The following HIPK2 variants were observed in gnomAD, a reference collection of about 807,000 sequenced individuals.
HIPK2 encodes homeodomain-interacting protein kinase 2.
In HIPK2, 27 loss-of-function variants were observed where a neutral mutation model predicts 113.7. That is an observed-to-expected ratio of 0.24 (90% CI 0.17 to 0.33). HIPK2 has a LOEUF of 0.33. HIPK2 is among the 10% of genes least tolerant of loss of function. The pLI, the probability that HIPK2 is intolerant of heterozygous loss-of-function variation, is 1.00. For missense variants in HIPK2, 1,257 were observed against 1,588.0 expected (o/e 0.79, Z 3.54); for synonymous variants, 631 against 642.2 (o/e 0.98, Z 0.26).
At chr7:139,709,460 T>C (rs1038607281) in intron 2 of HIPK2, among the ~76,000 whole-genome samples, 2 of 152,242 alleles carry the variant, frequency 1.3e-5, no homozygotes, top group African/African-American at 2.4e-5. Flanking sequence ...TTTGAAATGA[T>C]TGATATTTCC....
intron 1 of HIPK2, among the ~76,000 whole-genome samples, chr7:139,769,632 A>G (rs185927815): frequency 1.2e-4 from 18 of 152,334 alleles, no homozygotes; most frequent in African/African-American, 4.1e-4. Context: ...AGCTTTGCCT[A>G]TTGCTGTTGT....
intron 2 of HIPK2, among the ~76,000 whole-genome samples, chr7:139,644,650 G>A (rs534488636): frequency 4.1e-4 from 62 of 152,330 alleles, no homozygotes; most frequent in African/African-American, 1.4e-3. Flanking sequence ...GTTGAAACTG[G>A]GCATTTAGAG....
intron 11 of HIPK2, among the ~76,000 whole-genome samples, chr7:139,599,873 C>G (rs1464947262): frequency 2.0e-5 from 3 of 152,150 alleles, no homozygotes; most frequent in African/African-American, 7.2e-5. Flanking sequence ...ACTGTGCACT[C>G]TGCTGTACAA....
chr7:139,582,357 TC>T lies in HIPK2; in HGVS notation c.2965+1459del, dbSNP rs1798694111. 3.3e-5 allele frequency among the ~76,000 whole-genome samples: 5 copies of T among 152,214 alleles called. No homozygotes were observed. In the South Asian group the frequency reaches 1.0e-3, roughly 32 times the overall value. On this transcript the variant is annotated intron_variant, in intron 13 of 14. Coordinates refer to ENST00000406875, the MANE Select transcript of HIPK2 (RefSeq NM_022740.5). ...CTCTATTTTTCCTGAAGGTAAGGTC[TC>T]CTTCTTCCGAGAGAGCACAGCGCGA...
chr7:139,573,410 G>A lies in HIPK2; in HGVS notation c.3127-13C>T. ...TGTGCTGCTGAGCCTGGGGAGGAGA[G>A]GCACCAAGAGAGACGTCAGGGGCCG... On this transcript the variant is annotated splice_polypyrimidine_tract_variant and intron_variant, in intron 14 of 14. Coordinates refer to ENST00000406875, the MANE Select transcript of HIPK2 (RefSeq NM_022740.5). The A allele has an allele frequency of 6.2e-7, 1 of 1,600,402 alleles. No homozygotes were observed. Among genetic ancestry groups the A allele is most frequent in the Non-Finnish European group, 8.5e-7 (1 of 1,179,444 alleles).
At chr7:139,618,990 C>G (rs936752607) in intron 7 of HIPK2, among the ~76,000 whole-genome samples, 1 of 152,162 alleles carries the variant, frequency 6.6e-6, no homozygotes, top group Non-Finnish European at 1.5e-5. Flanking sequence ...TAGGGCTGGG[C>G]AAGGTTAGTT....
intron 7 of HIPK2, among the ~76,000 whole-genome samples, chr7:139,619,649 G>A (rs962725840): frequency 6.6e-6 from 1 of 152,196 alleles, no homozygotes; most frequent in Non-Finnish European, 1.5e-5. Flanking sequence ...AAGGAGATCA[G>A]GTAGATCCAG....
chr7:139,603,110 A>T (rs545305159), intron 10 of HIPK2, among the ~76,000 whole-genome samples: 1 of 152,150 alleles, frequency 6.6e-6, no homozygotes, highest in South Asian at 2.1e-4. Context: ...TAGGGGTCTG[A>T]CTGGGGGCTT....
chr7:139,655,458 C>G (rs190019324), intron 2 of HIPK2, among the ~76,000 whole-genome samples: 2 of 152,298 alleles, frequency 1.3e-5, no homozygotes, highest in East Asian at 3.9e-4. Context: ...AGACAGAAGG[C>G]GTGTGGGAAC....
At chr7:139,703,836 C>T (rs1794789908) in intron 2 of HIPK2, among the ~76,000 whole-genome samples, 2 of 136,870 alleles carry the variant, frequency 1.5e-5, no homozygotes, top group Admixed American at 7.5e-5. Context: ...CATACACCTC[C>T]CCCACACCCA....
intron 1 of HIPK2, among the ~76,000 whole-genome samples, chr7:139,741,219 T>C (rs1452154786): frequency 1.3e-5 from 2 of 152,212 alleles, no homozygotes; most frequent in Non-Finnish European, 2.9e-5. Context: ...GGAGGATTTC[T>C]GCAGAGAAGA....
At chr7:139,722,554 A>G (rs1417675674) in intron 1 of HIPK2, among the ~76,000 whole-genome samples, 1 of 152,200 alleles carries the variant, frequency 6.6e-6, no homozygotes, top group East Asian at 1.9e-4. Flanking sequence ...AAAATGCTAG[A>G]CTTGACTTCA....
intron 2 of HIPK2, among the ~76,000 whole-genome samples, chr7:139,662,460 T>A (rs528110097): frequency 5.2e-4 from 79 of 152,252 alleles, no homozygotes; most frequent in African/African-American, 1.7e-3. Context: ...TCGTTGCTTA[T>A]AAACCACTTG....
Position 139,566,459 on chromosome 7 carries a change from C to T in HIPK2, c.*6468G>A, listed in dbSNP as rs1431724124. The T allele has an allele frequency of 1.3e-5, 2 of 152,130 alleles. No individual in the cohort carries two copies. The highest frequency in any genetic ancestry group is 4.8e-5 in the African/African-American group (2 of 41,410). 9.4% of individuals were successfully genotyped at this position (152,130 alleles called of 1,614,324 possible). Reference sequence around the variant, plus strand: ...TGGCATGCAGGAAGCGGGAGTATCACTAAATGGTTCATAGAAATATGAGGC... The same window carrying T: ...TGGCATGCAGGAAGCGGGAGTATCATTAAATGGTTCATAGAAATATGAGGC... On this transcript the variant is annotated 3_prime_UTR_variant, in exon 15 of 15. Coordinates refer to ENST00000406875, the MANE Select transcript of HIPK2 (RefSeq NM_022740.5). The surrounding 1 kb of genome is among the most constrained non-coding windows in gnomAD (Gnocchi z 4.1).
chr7:139,668,803 C>T (rs1378828802), intron 2 of HIPK2, among the ~76,000 whole-genome samples: 1 of 152,146 alleles, frequency 6.6e-6, no homozygotes, highest in African/African-American at 2.4e-5. Context: ...ATTAGCTGTT[C>T]TATTTAGTTG....
chr7:139,607,438 C>T (rs1039487209), intron 9 of HIPK2, among the ~76,000 whole-genome samples: 3 of 152,102 alleles, frequency 2.0e-5, no homozygotes, highest in African/African-American at 7.2e-5. Context: ...AGGAGAAAGT[C>T]GCTTTCAGAG....
chr7:139,652,201 T>C (rs998835108), intron 2 of HIPK2, among the ~76,000 whole-genome samples: 1 of 152,212 alleles, frequency 6.6e-6, no homozygotes, highest in Non-Finnish European at 1.5e-5. Context: ...AGGAATGTGA[T>C]GTCAACAGCC....
chr7:139,603,351 G>T (rs1799504700), intron 10 of HIPK2, among the ~76,000 whole-genome samples: 1 of 152,166 alleles, frequency 6.6e-6, no homozygotes, highest in South Asian at 2.1e-4. Context: ...AGGGGCCATT[G>T]TGGTGGTGTT....
chr7:139,681,173 T>A lies in HIPK2; in HGVS notation c.1103+34759A>T, dbSNP rs572857393. On this transcript the variant is annotated intron_variant, in intron 2 of 14. Transcript: ENST00000406875. ...CTACAAGTTGCAATTGGGTCAATGTTTTCACTGCCACAGCACTTAATCACT... is the reference window on the plus strand; with the variant it reads ...CTACAAGTTGCAATTGGGTCAATGTATTCACTGCCACAGCACTTAATCACT... Among the ~76,000 whole-genome samples the A allele has an allele frequency of 2.0e-5, 3 of 152,320 alleles. No homozygotes were observed. The East Asian group carries it at 5.8e-4, about 29-fold the overall frequency.
Sources: allele counts gnomAD v4.1 joint callset (sites outside exome capture counted in the v4.1 genomes callset), GRCh38; gene constraint gnomAD v4.1.1; non-coding constraint Gnocchi (gnomAD v3.1); transcripts MANE v1.5; gene names NCBI Gene and HGNC (gene_info 2026-07-23, HGNC 2026-07-21).